GNG2: variants seen among roughly 807,000 people sequenced by gnomAD.
The protein encoded by GNG2 is guanine nucleotide-binding protein G(I)/G(S)/G(O) subunit gamma-2.
A neutral mutation model predicts 5.5 loss-of-function variants in GNG2; 5 were observed. The ratio of observed to expected loss-of-function variants is 0.91; its 90% CI spans 0.48 to 1.92. The LOEUF (loss-of-function observed/expected upper bound fraction) is 1.92. Among genes scored for constraint, GNG2 ranks in the 30% most tolerant of loss-of-function variants. GNG2 has a pLI of 0.01. For missense variants in GNG2, 55 were observed against 88.4 expected, an observed-to-expected ratio of 0.62 and a Z score of 1.52; for synonymous variants, 28 against 32.0, an observed-to-expected ratio of 0.88 and a Z score of 0.42.
chr14:51,927,535 C>T (rs762468056), intron 2 of GNG2, among the ~76,000 whole-genome samples: 10 of 152,204 alleles, frequency 6.6e-5, no homozygotes, highest in Non-Finnish European at 1.3e-4. Context: ...TGGGCTTTCT[C>T]CTATCTTAGT....
At chr14:51,875,285 A>G (rs1225132897) in intron 1 of GNG2, among the ~76,000 whole-genome samples, 5 of 152,224 alleles carry the variant, frequency 3.3e-5, no homozygotes, top group Non-Finnish European at 7.3e-5. Context: ...AGGCTCTGCT[A>G]TAACCGGCAG....
chr14:51,830,271 A>AATACTGGAGTGCCTC (rs1881145840), intron 2 of GNG2, among the ~76,000 whole-genome samples: 1 of 152,102 alleles, frequency 6.6e-6, no homozygotes. Context: ...CTGATTTCAA[A>AATACTGGAGTGCCTC]ATACTGGAGT....
chr14:51,891,701 A>G (rs1037093194), intron 2 of GNG2, among the ~76,000 whole-genome samples: 9 of 152,204 alleles, frequency 5.9e-5, no homozygotes, highest in African/African-American at 2.2e-4. Context: ...TTTAACCAAC[A>G]TTATGTTTTG....
chr14:51,949,170 C>T (rs570794797), intron 2 of GNG2, among the ~76,000 whole-genome samples: 2 of 151,648 alleles, frequency 1.3e-5, no homozygotes, highest in African/African-American at 2.4e-5. Flanking sequence ...AATTATGCTC[C>T]AATTTATTCT....
At chr14:51,856,078 T>A (rs1882143661), upstream of GNG2, among the ~76,000 whole-genome samples, 1 of 152,034 alleles carries the variant, frequency 6.6e-6, no homozygotes, top group Non-Finnish European at 1.5e-5. Context: ...CTCGGGAAGC[T>A]GAGGCAGGAG....
chr14:51,942,589 CTTT>C (rs56883654), intron 2 of GNG2, among the ~76,000 whole-genome samples: 1 of 81,114 alleles, frequency 1.2e-5, no homozygotes. Context: ...TTCTTTCTTT[CTTT>C]TTTTTTTTTT....
intron 2 of GNG2, among the ~76,000 whole-genome samples, chr14:51,886,591 G>A (rs1884473235): frequency 6.6e-6 from 1 of 152,170 alleles, no homozygotes; most frequent in Admixed American, 6.5e-5. Flanking sequence ...AAAACTGCAA[G>A]GGAGAATGCA....
chr14:51,868,922 C>T (rs978711324), intron 1 of GNG2, among the ~76,000 whole-genome samples: 1 of 152,198 alleles, frequency 6.6e-6, no homozygotes, highest in African/African-American at 2.4e-5. Context: ...CAGCACTACA[C>T]TACTTGTCTG....
chr14:51,949,187 GATGTTGGGTGGCTT>G, intron 2 of GNG2, among the ~76,000 whole-genome samples: 1 of 151,586 alleles, frequency 6.6e-6, no homozygotes, highest in Middle Eastern at 3.4e-3. Flanking sequence ...TTCTGTAAAT[GATGTTGGGTGGCTT>G]ATTTTGTAGT....
At chr14:51,949,238 A>G (rs1888826659) in intron 2 of GNG2, among the ~76,000 whole-genome samples, 1 of 152,092 alleles carries the variant, frequency 6.6e-6, no homozygotes, top group Non-Finnish European at 1.5e-5. Flanking sequence ...TTCTCCATGA[A>G]GGGATTTGTA....
intron 2 of GNG2, among the ~76,000 whole-genome samples, chr14:51,908,374 G>A (rs753248296): frequency 5.3e-5 from 8 of 152,194 alleles, no homozygotes; most frequent in Non-Finnish European, 8.8e-5. Context: ...CCAGGGCAGG[G>A]TTTATTGCAG....
chr14:51,910,502 G>A (rs1365740922), intron 2 of GNG2, among the ~76,000 whole-genome samples: 1 of 152,218 alleles, frequency 6.6e-6, no homozygotes, highest in Non-Finnish European at 1.5e-5. Context: ...AAGGGGGAAA[G>A]TGACAGCCAC....
intron 2 of GNG2, among the ~76,000 whole-genome samples, chr14:51,934,661 C>G (rs1239924790): frequency 2.6e-5 from 4 of 152,206 alleles, no homozygotes; most frequent in African/African-American, 9.7e-5. Context: ...CATGTTACCC[C>G]ACACTGACTC....
At chr14:51,841,558 C>T (rs1488146956) in intron 2 of GNG2, 11 of 701,728 alleles carry the variant, frequency 1.6e-5, no homozygotes, top group Admixed American at 2.0e-5. Context: ...TGTTGGAGCC[C>T]GGATTTGAAC....
At chr14:51,909,008 T>C (rs981680757) in intron 2 of GNG2, among the ~76,000 whole-genome samples, 1 of 152,170 alleles carries the variant, frequency 6.6e-6, no homozygotes, top group Admixed American at 6.5e-5. Context: ...AAACTTCTTA[T>C]ATAACCATAG....
intron 1 of GNG2, among the ~76,000 whole-genome samples, chr14:51,826,551 T>G (rs1405590410): frequency 2.0e-5 from 3 of 152,122 alleles, no homozygotes; most frequent in Non-Finnish European, 4.4e-5. Flanking sequence ...AGAACAACTG[T>G]ATACATGCCA....
chr14:51,880,980 A>C (rs866885655), intron 2 of GNG2, among the ~76,000 whole-genome samples: 1 of 151,168 alleles, frequency 6.6e-6, no homozygotes, highest in East Asian at 1.9e-4. Context: ...AAAAAAAAAA[A>C]AAAAAAAACC....
intron 2 of GNG2, among the ~76,000 whole-genome samples, chr14:51,931,890 C>T (rs1345007694): frequency 2.0e-5 from 3 of 152,068 alleles, no homozygotes; most frequent in South Asian, 2.1e-4. Context: ...GCCATGTTCA[C>T]GGCACCACTG....
rs189946909 is a variant in GNG2, at chr14:51,905,915, A to T, written c.-30+28258A>T. On this transcript the variant is annotated intron_variant, in intron 2 of 3. Coordinates refer to ENST00000556766, the MANE Select transcript of GNG2 (RefSeq NM_053064.5). ...TTGCTTCCACTTATGCCGTTATTGT[A>T]AATTTCCTGAGGCCTCCCCAGCCGT... is the stretch of plus-strand genomic sequence containing the variant. Among the ~76,000 whole-genome samples, 369 of 152,340 alleles carry T rather than the reference A, an allele frequency of 2.4e-3. 1 individual carries two copies. The highest frequency in any genetic ancestry group is 7.9e-3 in the African/African-American group (329 of 41,572).
Sources: gnomAD v4.1 joint callset for allele counts (sites outside exome capture counted in the v4.1 genomes callset) on GRCh38, gnomAD v4.1.1 for gene constraint, MANE v1.5 for transcripts, NCBI Gene and HGNC (gene_info 2026-07-23, HGNC 2026-07-21) for gene names.